The following TACR3 variants were observed in gnomAD, a reference collection of about 807,000 sequenced individuals.
TACR3 encodes neuromedin-K receptor.
In TACR3, 34 loss-of-function variants were observed where a neutral mutation model predicts 35.0. The ratio of observed to expected loss-of-function variants is 0.97; its 90% CI spans 0.74 to 1.30. The LOEUF (loss-of-function observed/expected upper bound fraction) is 1.30. Ranked by LOEUF, TACR3 falls within the 50% of genes most tolerant of loss-of-function variation. The probability of loss-of-function intolerance (pLI) is 0.00; values close to 1 mark genes in which losing one functional copy is unlikely to be tolerated. For missense variants in TACR3, 558 were observed against 591.7 expected, an observed-to-expected ratio of 0.94 and a Z score of 0.59; for synonymous variants, 233 against 221.1, an observed-to-expected ratio of 1.05 and a Z score of -0.48.
chr4:103,641,113 T>C (rs990020198), intron 3 of TACR3, among the ~76,000 whole-genome samples: 1 of 151,996 alleles, frequency 6.6e-6, no homozygotes, highest in Non-Finnish European at 1.5e-5. Flanking sequence ...TTTATTCTTC[T>C]GCATGTGTAT....
At chr4:103,621,667 A>G (rs1027474992) in intron 3 of TACR3, among the ~76,000 whole-genome samples, 4 of 152,220 alleles carry the variant, frequency 2.6e-5, no homozygotes, top group Admixed American at 2.6e-4. Context: ...TTATTTCCAG[A>G]TTTTTTGTCT....
At chr4:103,679,307 T>C (rs1233635250) in intron 1 of TACR3, among the ~76,000 whole-genome samples, 2 of 152,036 alleles carry the variant, frequency 1.3e-5, no homozygotes, top group Non-Finnish European at 2.9e-5. Context: ...TGTATTTCTT[T>C]GAGATGACAG....
At chr4:103,604,160 C>G (rs1351067711) in intron 3 of TACR3, among the ~76,000 whole-genome samples, 1 of 152,174 alleles carries the variant, frequency 6.6e-6, no homozygotes, top group Non-Finnish European at 1.5e-5. Flanking sequence ...CTATAGTAAC[C>G]AAAACACCAT....
intron 1 of TACR3, among the ~76,000 whole-genome samples, chr4:103,711,028 G>C (rs1722942900): frequency 6.6e-6 from 1 of 152,032 alleles, no homozygotes; most frequent in Admixed American, 6.6e-5. Flanking sequence ...AAAGTCCAGG[G>C]CCAGATGGAT....
At chr4:103,674,825 C>T (rs1726132660) in intron 1 of TACR3, among the ~76,000 whole-genome samples, 1 of 152,226 alleles carries the variant, frequency 6.6e-6, no homozygotes, top group Non-Finnish European at 1.5e-5. Context: ...GCTGGGATTA[C>T]AGGCGTGAGC....
intron 1 of TACR3, among the ~76,000 whole-genome samples, chr4:103,700,176 G>A (rs1352421644): frequency 1.3e-5 from 2 of 151,986 alleles, no homozygotes; most frequent in South Asian, 2.1e-4. Flanking sequence ...AGATTTCTGT[G>A]GTGTAAATAC....
chr4:103,629,852 A>AAAC (rs1553969603), intron 3 of TACR3, among the ~76,000 whole-genome samples: 1,342 of 115,170 alleles, frequency 0.012, 96 homozygotes, highest in African/African-American at 0.044. Flanking sequence ...AAGCAAAACA[A>AAAC]AAAAAAAACA....
intron 3 of TACR3, chr4:103,593,197 G>T: frequency 6.6e-6 from 1 of 151,964 alleles, no homozygotes; most frequent in African/African-American, 2.4e-5. Context: ...TTTCAATTGC[G>T]CATTAGGAAA....
chr4:103,599,094 T>G (rs1486169179), intron 3 of TACR3, among the ~76,000 whole-genome samples: 1 of 152,346 alleles, frequency 6.6e-6, no homozygotes, highest in East Asian at 1.9e-4. Flanking sequence ...GAACATGGAA[T>G]GTTCTTCCAT....
At chr4:103,669,367 A>C (rs1231411077) in intron 1 of TACR3, among the ~76,000 whole-genome samples, 1 of 152,102 alleles carries the variant, frequency 6.6e-6, no homozygotes, top group Non-Finnish European at 1.5e-5. Context: ...TTTTTAAAAT[A>C]TATATCTAGC....
At chr4:103,620,675 T>A (rs1425909097) in intron 3 of TACR3, among the ~76,000 whole-genome samples, 2 of 151,974 alleles carry the variant, frequency 1.3e-5, no homozygotes, top group Non-Finnish European at 2.9e-5. Context: ...TGTTCTTGCA[T>A]ATAAGTAGGA....
At chr4:103,660,785 TGC>T (rs1451942900) in intron 1 of TACR3, among the ~76,000 whole-genome samples, 52 of 152,080 alleles carry the variant, frequency 3.4e-4, no homozygotes, top group Non-Finnish European at 2.9e-4. Context: ...AGAAAAATAA[TGC>T]GTATGTTTCA....
chr4:103,641,521 G>C (rs916287796), intron 3 of TACR3, among the ~76,000 whole-genome samples: 1 of 151,948 alleles, frequency 6.6e-6, no homozygotes, highest in Non-Finnish European at 1.5e-5. Flanking sequence ...GTACACTGTT[G>C]TTGGGAATGT....
chr4:103,645,678 G>C (rs2110322546), intron 3 of TACR3, among the ~76,000 whole-genome samples: 1 of 152,072 alleles, frequency 6.6e-6, no homozygotes, highest in East Asian at 1.9e-4. Flanking sequence ...CTGCACCCAA[G>C]TTGAGATTCT....
chr4:103,704,083 AAC>A (rs1722727744), intron 1 of TACR3, among the ~76,000 whole-genome samples: 1 of 129,062 alleles, frequency 7.7e-6, no homozygotes, highest in South Asian at 2.8e-4. Context: ...CAGTCTGGGC[AAC>A]AGAGTGAAAC....
chr4:103,666,694 A>C (rs948709196), intron 1 of TACR3, among the ~76,000 whole-genome samples: 1 of 152,228 alleles, frequency 6.6e-6, no homozygotes, highest in African/African-American at 2.4e-5. Flanking sequence ...AAAATTTCAG[A>C]TAACAGATTT....
chr4:103,587,081 C>A lies in TACR3; in HGVS notation c.*2601G>T, dbSNP rs1286455435. The A allele has an allele frequency of 2.0e-5, 3 of 151,964 alleles. No homozygotes were observed. The East Asian group carries it at 5.8e-4, about 29-fold the overall frequency. The allele number at this position is 151,964 out of a possible 1,614,324, so 9.4% of individuals were successfully genotyped here. On this transcript the variant is annotated 3_prime_UTR_variant, in exon 5 of 5. Coordinates refer to ENST00000304883, the MANE Select transcript of TACR3 (RefSeq NM_001059.3). ...AAAGATTCATACTGAACTTTAGAAA[C>A]AGAGGGTAGAGTAAATTTTGAAGGC...
At chr4:103,697,148 GC>G (rs1335949138) in intron 1 of TACR3, among the ~76,000 whole-genome samples, 3 of 152,120 alleles carry the variant, frequency 2.0e-5, no homozygotes, top group Non-Finnish European at 4.4e-5. Context: ...ACAACTATGT[GC>G]TTTTCTGTTT....
chr4:103,685,776 G>A (rs1188143936), intron 1 of TACR3, among the ~76,000 whole-genome samples: 3 of 152,016 alleles, frequency 2.0e-5, no homozygotes, highest in Non-Finnish European at 4.4e-5. Flanking sequence ...TTAAACAAAG[G>A]CCATATAAGT....
Sources: gnomAD v4.1 joint callset for allele counts (sites outside exome capture counted in the v4.1 genomes callset) on GRCh38, gnomAD v4.1.1 for gene constraint, MANE v1.5 for transcripts, NCBI Gene and HGNC (gene_info 2026-07-23, HGNC 2026-07-21) for gene names.